Variants in PRR16 observed in about 807,000 individuals in gnomAD.
PRR16 encodes protein Largen.
In PRR16, 6 loss-of-function variants were observed where a neutral mutation model predicts 18.2. The ratio of observed to expected loss-of-function variants is 0.33; its 90% CI spans 0.18 to 0.65. The LOEUF is 0.65. PRR16 is among the 30% of genes least tolerant of loss of function. The probability of loss-of-function intolerance (pLI) is 0.74; values close to 1 mark genes in which losing one functional copy is unlikely to be tolerated. For missense variants in PRR16, 412 were observed against 376.6 expected (o/e 1.09, Z -0.78); for synonymous variants, 151 against 147.8 (o/e 1.02, Z -0.16).
chr5:120,530,168 A>T (rs1751496538), intron 1 of PRR16, among the ~76,000 whole-genome samples: 1 of 147,190 alleles, frequency 6.8e-6, no homozygotes, highest in African/African-American at 2.5e-5. Flanking sequence ...GTGTGTGTGT[A>T]TATATGCAGT....
At chr5:120,661,676 T>C (rs774017389) in intron 1 of PRR16, among the ~76,000 whole-genome samples, 55 of 152,116 alleles carry the variant, frequency 3.6e-4, no homozygotes, top group Non-Finnish European at 6.6e-4. Context: ...TTGGGTACTG[T>C]CCTCCAGAAC....
At chr5:120,722,382 T>C in the PRR16 span, among the ~76,000 whole-genome samples, 1 of 152,038 alleles carries the variant, frequency 6.6e-6, no homozygotes, top group African/African-American at 2.4e-5. Flanking sequence ...TGGCAAGATA[T>C]ATTATGTTAA....
the PRR16 span, among the ~76,000 whole-genome samples, chr5:120,693,028 T>C: frequency 1.3e-5 from 2 of 152,178 alleles, no homozygotes; most frequent in Non-Finnish European, 2.9e-5. Flanking sequence ...TAAACCTAAA[T>C]TGAAGATACA....
At chr5:120,474,600 A>T (rs377032353) in intron 1 of PRR16, among the ~76,000 whole-genome samples, 1 of 98,864 alleles carries the variant, frequency 1.0e-5, no homozygotes, top group African/African-American at 4.7e-5. Context: ...TTTTTTTTAA[A>T]AAAAAAACCC....
chr5:120,762,339 T>C, the PRR16 span, among the ~76,000 whole-genome samples: 1 of 152,186 alleles, frequency 6.6e-6, no homozygotes, highest in Non-Finnish European at 1.5e-5. Flanking sequence ...AACAGTAGTA[T>C]GTAAGAGTTC....
At chr5:120,612,886 T>C (rs1222181716) in intron 1 of PRR16, among the ~76,000 whole-genome samples, 3 of 152,202 alleles carry the variant, frequency 2.0e-5, no homozygotes, top group Non-Finnish European at 4.4e-5. Context: ...TTAATGCATG[T>C]ATTCCCTTGA....
At chr5:120,743,284 T>A in the PRR16 span, among the ~76,000 whole-genome samples, 1 of 152,210 alleles carries the variant, frequency 6.6e-6, no homozygotes, top group African/African-American at 2.4e-5. Context: ...AATTCAGTGT[T>A]CCTTTTATAT....
At chr5:120,742,556 CAA>C in the PRR16 span, among the ~76,000 whole-genome samples, 2 of 151,580 alleles carry the variant, frequency 1.3e-5, no homozygotes, top group East Asian at 1.9e-4. Context: ...TTTAATTTCA[CAA>C]AAGAGATTAA....
intron 1 of PRR16, among the ~76,000 whole-genome samples, chr5:120,500,172 C>T (rs1351500657): frequency 6.6e-6 from 1 of 152,126 alleles, no homozygotes. Context: ...GGGATTAGAA[C>T]AACAATAGTC....
chr5:120,597,514 A>G (rs1191856900), intron 1 of PRR16, among the ~76,000 whole-genome samples: 1 of 151,766 alleles, frequency 6.6e-6, no homozygotes, highest in Non-Finnish European at 1.5e-5. Context: ...TCATAGAAGC[A>G]GGAATAAAGG....
At chr5:120,681,078 C>T (rs1408410684) in intron 1 of PRR16, among the ~76,000 whole-genome samples, 2 of 152,066 alleles carry the variant, frequency 1.3e-5, no homozygotes, top group Non-Finnish European at 2.9e-5. Flanking sequence ...CTTTCTGTGT[C>T]TCTTTTTGGC....
At chr5:120,540,006 C>T (rs1405555290) in intron 1 of PRR16, among the ~76,000 whole-genome samples, 1 of 152,116 alleles carries the variant, frequency 6.6e-6, no homozygotes, top group Non-Finnish European at 1.5e-5. Context: ...GCTGCCTTTC[C>T]AGAGGCTCAT....
the PRR16 span, among the ~76,000 whole-genome samples, chr5:120,789,559 G>A: frequency 5.3e-5 from 8 of 151,980 alleles, no homozygotes; most frequent in Admixed American, 2.6e-4. Context: ...ACAGTGTTGT[G>A]AAAATGCACT....
chr5:120,665,861 C>G (rs1459726830), intron 1 of PRR16, among the ~76,000 whole-genome samples: 1 of 152,086 alleles, frequency 6.6e-6, no homozygotes, highest in Non-Finnish European at 1.5e-5. Flanking sequence ...GTTACTGTAG[C>G]CTTGTAGTAT....
At chr5:120,645,389 C>A (rs111613654) in intron 1 of PRR16, among the ~76,000 whole-genome samples, 70 of 150,304 alleles carry the variant, frequency 4.7e-4, no homozygotes, top group African/African-American at 1.3e-3. Context: ...CCCATCCCCC[C>A]CCCACACACA....
chr5:120,492,280 G>C (rs1424584782), intron 1 of PRR16, among the ~76,000 whole-genome samples: 1 of 150,976 alleles, frequency 6.6e-6, no homozygotes, highest in Non-Finnish European at 1.5e-5. Flanking sequence ...GTGTGTGTGT[G>C]TGTGTGTGTG....
chr5:120,749,405 A>G, the PRR16 span, among the ~76,000 whole-genome samples: 2 of 152,228 alleles, frequency 1.3e-5, 1 homozygote, highest in South Asian at 4.1e-4. Flanking sequence ...CATGGGCAAA[A>G]TTGTTGTTGC....
chr5:120,479,741 G>T (rs1749550653), intron 1 of PRR16, among the ~76,000 whole-genome samples: 1 of 151,900 alleles, frequency 6.6e-6, no homozygotes, highest in African/African-American at 2.4e-5. Flanking sequence ...TAAAATCAGG[G>T]ACTAGTGTTT....
At chr5:120,525,193 A>C (rs1384034421) in intron 1 of PRR16, among the ~76,000 whole-genome samples, 1 of 152,088 alleles carries the variant, frequency 6.6e-6, no homozygotes, top group Non-Finnish European at 1.5e-5. Flanking sequence ...TGATATGTAA[A>C]TATGAGAGGG....
Sources: gnomAD v4.1 joint callset for allele counts (sites outside exome capture counted in the v4.1 genomes callset) on GRCh38, gnomAD v4.1.1 for gene constraint, MANE v1.5 for transcripts, NCBI Gene and HGNC (gene_info 2026-07-23, HGNC 2026-07-21) for gene names.